The following YIPF7 variants were observed in gnomAD, a reference collection of about 807,000 sequenced individuals.
YIPF7 encodes the protein protein YIPF7.
In YIPF7, 35 loss-of-function variants were observed where a neutral mutation model predicts 27.2. The ratio of observed to expected loss-of-function variants is 1.29; its 90% CI spans 0.98 to 1.70. YIPF7 has a LOEUF of 1.70. Among genes scored for constraint, YIPF7 ranks in the 40% most tolerant of loss-of-function variants. The pLI is 0.00. For synonymous variants in YIPF7, 137 were observed against 110.4 expected (o/e 1.24, Z -1.51); for missense variants, 358 against 303.7 (o/e 1.18, Z -1.33).
intron 2 of YIPF7, among the ~76,000 whole-genome samples, chr4:44,642,185 C>T (rs1410778109): frequency 6.6e-6 from 1 of 152,080 alleles, no homozygotes; most frequent in African/African-American, 2.4e-5. Flanking sequence ...AATGAGTGGA[C>T]TATTTCAGGT....
chr4:44,637,717 A>G (rs553342435), intron 2 of YIPF7, among the ~76,000 whole-genome samples: 3 of 152,214 alleles, frequency 2.0e-5, no homozygotes, highest in East Asian at 3.9e-4. Context: ...ACTGAACCCA[A>G]TTTGTAGTCT....
intron 2 of YIPF7, among the ~76,000 whole-genome samples, chr4:44,637,707 A>G (rs577858438): frequency 6.6e-6 from 1 of 152,296 alleles, no homozygotes; most frequent in Non-Finnish European, 1.5e-5. Context: ...AGAAGTATAC[A>G]CTGAACCCAA....
chr4:44,644,055 G>A lies in YIPF7; in HGVS notation c.116+5930C>T, dbSNP rs59903285. On this transcript the variant is annotated intron_variant, in intron 2 of 5. Coordinates refer to ENST00000415895, the MANE Select transcript of YIPF7 (RefSeq NM_182592.3). ...GCCATCATCATCCAGACCCCAGAAT[G>A]GTAGATCCCCCAGAAACTTGCAACC... Among the ~76,000 whole-genome samples, 1,013 of 152,204 alleles carry A rather than the reference G, an allele frequency of 6.7e-3. 10 individuals are homozygous for A. Among genetic ancestry groups the A allele is most frequent in the African/African-American group, 0.023 (953 of 41,536 alleles).
intron 4 of YIPF7, among the ~76,000 whole-genome samples, chr4:44,626,763 CTT>C (rs71190269): frequency 4.3e-5 from 3 of 69,776 alleles, no homozygotes; most frequent in African/African-American, 1.8e-4. Context: ...ATTAGCACAT[CTT>C]TTTTTTTTTT....
At chr4:44,659,526 T>A (rs937640461) in intron 2 of YIPF7, among the ~76,000 whole-genome samples, 1 of 152,112 alleles carries the variant, frequency 6.6e-6, no homozygotes, top group African/African-American at 2.4e-5. Flanking sequence ...GACCAATTCA[T>A]AACGGAAAAA....
intron 5 of YIPF7, 75 bp downstream of exon 5, chr4:44,624,526 C>T: frequency 7.0e-7 from 1 of 1,423,318 alleles, no homozygotes; most frequent in South Asian, 1.6e-5. Context: ...AGGAAGGGCT[C>T]AACTTTTTCA....
At chr4:44,660,113 CAAAAAAAAAAA>C (rs11461675) in intron 2 of YIPF7, among the ~76,000 whole-genome samples, 2 of 25,514 alleles carry the variant, frequency 7.8e-5, no homozygotes, top group African/African-American at 2.3e-4. Flanking sequence ...GACTCTGTCT[CAAAAAAAAAAA>C]AAAAAAAAAA....
chr4:44,650,142 A>G, intron 1 of YIPF7, 41 bp from the exon 2 acceptor site: 1 of 1,194,628 alleles, frequency 8.4e-7, no homozygotes, highest in Non-Finnish European at 1.2e-6. Context: ...TCATGAGTCA[A>G]TAAAACTTAG....
At chr4:44,637,922 C>T (rs769528727) in intron 2 of YIPF7, among the ~76,000 whole-genome samples, 1 of 152,236 alleles carries the variant, frequency 6.6e-6, no homozygotes, top group South Asian at 2.1e-4. Context: ...ATGCCATTAA[C>T]TCGTTCCTTT....
chr4:44,624,890 T>C (rs957834590), intron 4 of YIPF7, 108 bp from the exon 5 acceptor site: 10 of 1,035,902 alleles, frequency 9.7e-6, no homozygotes, highest in Non-Finnish European at 1.2e-5. Context: ...TGCTGTTCCA[T>C]GTCTTTGTAG....
At chr4:44,625,400 T>C (rs377113409) in intron 4 of YIPF7, among the ~76,000 whole-genome samples, 4 of 152,196 alleles carry the variant, frequency 2.6e-5, no homozygotes, top group Non-Finnish European at 5.9e-5. Context: ...ATTTCAGCTC[T>C]AAAATTTAGG....
upstream of YIPF7, among the ~76,000 whole-genome samples, chr4:44,655,094 G>A (rs147902787): frequency 2.4e-3 from 366 of 152,088 alleles, 1 homozygote; most frequent in African/African-American, 7.6e-3. Flanking sequence ...GAGGCTGTGA[G>A]TTGCTCAATA....
intron 1 of YIPF7, 134 bp from the exon 2 acceptor site, chr4:44,650,235 C>A: frequency 1.5e-6 from 1 of 679,506 alleles, no homozygotes; most frequent in South Asian, 1.7e-5. Context: ...TGAATGGGGT[C>A]AATAAAGTAT....
intron 1 of YIPF7, among the ~76,000 whole-genome samples, chr4:44,650,896 G>A (rs545469424): frequency 1.3e-5 from 2 of 150,606 alleles, no homozygotes; most frequent in East Asian, 4.1e-4. Flanking sequence ...CATTAGAGAG[G>A]TAATAGTGGC....
At chr4:44,638,719 GTT>G (rs1178537269) in intron 2 of YIPF7, among the ~76,000 whole-genome samples, 2 of 152,010 alleles carry the variant, frequency 1.3e-5, no homozygotes, top group Non-Finnish European at 2.9e-5. Context: ...GTCTATTTTT[GTT>G]TTTGTTTCCT....
chr4:44,636,756 T>C (rs1713136664), intron 2 of YIPF7, among the ~76,000 whole-genome samples: 1 of 152,206 alleles, frequency 6.6e-6, no homozygotes. Context: ...TTAGTGTCTC[T>C]TTATTTTATT....
chr4:44,640,082 T>C (rs1370180199), intron 2 of YIPF7, among the ~76,000 whole-genome samples: 2 of 152,144 alleles, frequency 1.3e-5, no homozygotes, highest in African/African-American at 4.8e-5. Flanking sequence ...TGCTGTTGCA[T>C]TTGGTTTGCT....
Position 44,629,411 on chromosome 4 carries a change from A to G in YIPF7, c.418T>C (p.Leu140=). 1 of 1,590,246 alleles carries G rather than the reference A, an allele frequency of 6.3e-7. No homozygotes were observed. Among genetic ancestry groups the G allele is most frequent in the South Asian group, 1.2e-5 (1 of 86,096 alleles). ...TTCCTGTGACACATTACCAGAAGCA[A>G]GGTGGCTCCCAGGGCTACGCAAAAA... ...ILFCVALGAT[L]LLAGKVQFGY... Residue 140 remains leucine (L), a synonymous_variant, in exon 4 of 6, where the codon TTG becomes CTG. Transcript: ENST00000415895.
At chr4:44,651,634 G>C, upstream of YIPF7, 1 of 1,574,104 alleles carries the variant, frequency 6.4e-7, no homozygotes, top group Non-Finnish European at 8.6e-7. Context: ...TTGGTGAAAA[G>C]ATGACATGCT....
Sources: gnomAD v4.1 joint callset for allele counts (sites outside exome capture counted in the v4.1 genomes callset) on GRCh38, gnomAD v4.1.1 for gene constraint, MANE v1.5 for transcripts, NCBI Gene and HGNC (gene_info 2026-07-23, HGNC 2026-07-21) for gene names.